Variants in PPP4R2 observed in about 807,000 individuals in gnomAD.
PPP4R2 encodes the protein protein phosphatase 4 regulatory subunit 2.
Under a neutral mutation model 47.2 loss-of-function variants are expected in PPP4R2, and 13 were observed. That is an observed-to-expected ratio of 0.28 (90% CI 0.18 to 0.44). PPP4R2 has a LOEUF of 0.44. Among genes scored for constraint, PPP4R2 ranks in the 20% least tolerant of loss-of-function variants. The pLI, the probability that PPP4R2 is intolerant of heterozygous loss-of-function variation, is 1.00. For missense variants in PPP4R2, 421 were observed against 491.2 expected (o/e 0.86, Z 1.35); for synonymous variants, 151 against 163.3 (o/e 0.92, Z 0.57).
chr3:73,049,884 T>C (rs1433491281), intron 3 of PPP4R2, among the ~76,000 whole-genome samples: 3 of 152,096 alleles, frequency 2.0e-5, no homozygotes, highest in Non-Finnish European at 2.9e-5. Flanking sequence ...ATTAAATGCC[T>C]GAGCATTCTT....
At chr3:73,043,275 A>C (rs1440839318) in intron 2 of PPP4R2, among the ~76,000 whole-genome samples, 3 of 147,406 alleles carry the variant, frequency 2.0e-5, no homozygotes, top group African/African-American at 5.1e-5. Context: ...ATAAGGATTA[A>C]TATTAGGCAT....
chr3:73,037,385 A>T (rs1441077341), intron 2 of PPP4R2, among the ~76,000 whole-genome samples: 1 of 152,106 alleles, frequency 6.6e-6, no homozygotes, highest in Non-Finnish European at 1.5e-5. Flanking sequence ...GGCAGTTCTG[A>T]TTTCCCCAGC....
intron 2 of PPP4R2, among the ~76,000 whole-genome samples, chr3:73,005,012 G>A (rs972443730): frequency 6.8e-6 from 1 of 147,282 alleles, no homozygotes; most frequent in Non-Finnish European, 1.5e-5. Context: ...GTCTTGCTCT[G>A]TTGCCCAAGC....
At chr3:73,011,494 T>A (rs1370096060) in intron 2 of PPP4R2, among the ~76,000 whole-genome samples, 1 of 151,518 alleles carries the variant, frequency 6.6e-6, no homozygotes, top group Non-Finnish European at 1.5e-5. Context: ...AAAAAAAAAA[T>A]TTGGAGCTTT....
At chr3:73,047,901 G>A (rs942219364) in intron 3 of PPP4R2, among the ~76,000 whole-genome samples, 19 of 152,154 alleles carry the variant, frequency 1.2e-4, no homozygotes, top group Non-Finnish European at 5.9e-5. Flanking sequence ...TTTTGAGAAG[G>A]TGTCTCGCTC....
rs374219871 is a variant in PPP4R2, at chr3:72,997,074, G to A, written c.34+3G>A. 3.6e-6 allele frequency: 5 copies of A among 1,397,322 alleles called. No homozygotes were observed. In the Admixed American group the frequency reaches 7.8e-5, roughly 22 times the overall value. The allele number at this position is 1,397,322 out of a possible 1,614,324, so 86.6% of individuals were successfully genotyped here. On this transcript the variant is annotated splice_donor_region_variant and intron_variant, in intron 1 of 8. Coordinates refer to ENST00000356692, the MANE Select transcript of PPP4R2 (RefSeq NM_174907.4). ...GAGGCTCCAGGAGGCGCTGAAAGGT[G>A]GGGGTAGCTGCCCCCTCTCCATTCC...
Position 73,062,377 on chromosome 3 carries a change from A to G in PPP4R2, c.420-1296A>G, listed in dbSNP as rs1458539882. On this transcript the variant is annotated intron_variant, in intron 5 of 8. Coordinates refer to ENST00000356692, the MANE Select transcript of PPP4R2 (RefSeq NM_174907.4). Reference sequence around the variant, plus strand: ...TTGGAACCCCAACCCAGCATTGGGGATATTAAGGACATTAAAAAAGCAGCC... The same window carrying G: ...TTGGAACCCCAACCCAGCATTGGGGGTATTAAGGACATTAAAAAAGCAGCC... The G allele has an allele frequency of 4.4e-6, 7 of 1,607,090 alleles. No individual in the cohort carries two copies. In the African/African-American group the frequency reaches 8.1e-5, roughly 19 times the overall value.
intron 2 of PPP4R2, among the ~76,000 whole-genome samples, chr3:73,016,813 C>CTTTTTTTTT (rs1207946652): frequency 4.1e-5 from 3 of 72,890 alleles, no homozygotes; most frequent in Admixed American, 1.7e-4. Context: ...TTCATTGTTT[C>CTTTTTTTTT]TTTTTTTTTT....
intron 2 of PPP4R2, among the ~76,000 whole-genome samples, chr3:73,001,353 C>T (rs190879236): frequency 3.2e-4 from 48 of 152,102 alleles, no homozygotes; most frequent in Admixed American, 7.8e-4. Flanking sequence ...CACTTGAGCC[C>T]AGGAGTTCGA....
chr3:73,038,542 C>T (rs533777398), intron 2 of PPP4R2, among the ~76,000 whole-genome samples: 4 of 151,982 alleles, frequency 2.6e-5, no homozygotes, highest in African/African-American at 4.8e-5. Flanking sequence ...ACTACAGGTG[C>T]GTGCCACCAA....
intron 5 of PPP4R2, chr3:73,062,155 A>T: frequency 6.5e-7 from 1 of 1,548,004 alleles, no homozygotes; most frequent in Non-Finnish European, 8.7e-7. Flanking sequence ...GACAGATCTT[A>T]CAAAAGATCT....
At chr3:73,005,467 G>C (rs1701588799) in intron 2 of PPP4R2, among the ~76,000 whole-genome samples, 2 of 151,846 alleles carry the variant, frequency 1.3e-5, no homozygotes, top group Admixed American at 6.6e-5. Context: ...TTGTTGGGGA[G>C]GGGAGGGAGA....
intron 2 of PPP4R2, among the ~76,000 whole-genome samples, chr3:73,039,236 G>A (rs1702327492): frequency 1.3e-5 from 2 of 152,162 alleles, no homozygotes; most frequent in African/African-American, 4.8e-5. Flanking sequence ...TGATTCTCCT[G>A]CCTCAGCCTC....
At position 72,998,178 on chromosome 3, in the gene PPP4R2, T is replaced by G; in HGVS notation, c.116+20T>G. On this transcript the variant is annotated intron_variant, in intron 2 of 8. Transcript: ENST00000356692. ...AACAATGTGAGTTGAAAACATGCAT[T>G]TGTCGTTATAGACCAGTGCATTATT... 2 of 1,537,342 alleles carry G rather than the reference T, an allele frequency of 1.3e-6. No individual in the cohort carries two copies. The highest frequency in any genetic ancestry group is 1.8e-6 in the Non-Finnish European group (2 of 1,119,804).
chr3:73,019,067 A>G (rs1000986777), intron 2 of PPP4R2, among the ~76,000 whole-genome samples: 1 of 152,214 alleles, frequency 6.6e-6, no homozygotes, highest in Non-Finnish European at 1.5e-5. Context: ...TGGACCACAT[A>G]TATGATGGTG....
At chr3:73,019,670 G>A (rs1013939519) in intron 2 of PPP4R2, among the ~76,000 whole-genome samples, 8 of 152,138 alleles carry the variant, frequency 5.3e-5, no homozygotes, top group African/African-American at 1.4e-4. Context: ...AACCATGCCC[G>A]GCCCCTAGAA....
chr3:73,033,105 C>G (rs570654845), intron 2 of PPP4R2, among the ~76,000 whole-genome samples: 11 of 152,118 alleles, frequency 7.2e-5, no homozygotes, highest in Non-Finnish European at 1.5e-4. Context: ...ATATCATGCT[C>G]TTTCTTGGTT....
chr3:73,003,323 T>A (rs2107203576), intron 2 of PPP4R2, among the ~76,000 whole-genome samples: 1 of 152,000 alleles, frequency 6.6e-6, no homozygotes, highest in African/African-American at 2.4e-5. Flanking sequence ...GTGATTCTTG[T>A]GCCTCAGCCT....
At chr3:73,042,058 A>G (rs1482126222) in intron 2 of PPP4R2, among the ~76,000 whole-genome samples, 1 of 152,212 alleles carries the variant, frequency 6.6e-6, no homozygotes, top group Non-Finnish European at 1.5e-5. Flanking sequence ...AGGTGAAGCT[A>G]CTTAGTTAAT....
Sources: allele counts gnomAD v4.1 joint callset (sites outside exome capture counted in the v4.1 genomes callset), GRCh38; gene constraint gnomAD v4.1.1; transcripts MANE v1.5; gene names NCBI Gene and HGNC (gene_info 2026-07-23, HGNC 2026-07-21).